COL9A1: variants seen among roughly 807,000 people sequenced by gnomAD.
The protein encoded by COL9A1 is collagen type IX alpha 1 chain.
In COL9A1, 104 loss-of-function variants were observed where a neutral mutation model predicts 142.6. The ratio of observed to expected loss-of-function variants is 0.73; its 90% CI spans 0.62 to 0.86. The LOEUF (loss-of-function observed/expected upper bound fraction) is 0.86, where lower values mean the gene tolerates loss of function less well. Ranked by LOEUF, COL9A1 falls within the 40% of genes least tolerant of loss-of-function variation. The probability of loss-of-function intolerance (pLI) is 0.00; values close to 1 mark genes in which losing one functional copy is unlikely to be tolerated. For missense variants in COL9A1, 1,210 were observed against 1,176.6 expected (o/e 1.03, Z -0.42); for synonymous variants, 466 against 396.0 (o/e 1.18, Z -2.10).
At chr6:70,249,331 T>C (rs1770789047) in intron 28 of COL9A1, among the ~76,000 whole-genome samples, 2 of 152,100 alleles carry the variant, frequency 1.3e-5, no homozygotes. Context: ...GAGACACTAC[T>C]GATGTTCGTG....
intron 4 of COL9A1, 77 bp from the exon 5 acceptor site, chr6:70,294,640 G>C (rs1412080334): frequency 1.4e-6 from 2 of 1,420,422 alleles, no homozygotes; most frequent in Non-Finnish European, 2.0e-6. Flanking sequence ...CCCTTTTGAG[G>C]CCATTTTAGA....
chr6:70,232,258 T>A (rs1769596667), intron 36 of COL9A1, among the ~76,000 whole-genome samples: 1 of 152,092 alleles, frequency 6.6e-6, no homozygotes, highest in Non-Finnish European at 1.5e-5. Context: ...AATAAATAAA[T>A]AAAAAATAGC....
chr6:70,281,533 C>A, intron 7 of COL9A1, 69 bp from the exon 8 acceptor site: 1 of 1,254,386 alleles, frequency 8.0e-7, no homozygotes, highest in South Asian at 1.4e-5. Flanking sequence ...GCGCGGTGCC[C>A]TGAAGCCCCC....
intron 36 of COL9A1, 24 bp from the exon 37 acceptor site, chr6:70,226,033 AT>A (rs1359315625): frequency 6.4e-7 from 1 of 1,567,584 alleles, no homozygotes; most frequent in Non-Finnish European, 8.8e-7. Flanking sequence ...AAGAAATGTT[AT>A]TTTTCTACAT....
chr6:70,279,666 A>AAAAAAAAAAAAAC (rs1562322878), intron 10 of COL9A1: 8 of 170,740 alleles, frequency 4.7e-5, no homozygotes, highest in African/African-American at 2.1e-4. Flanking sequence ...AAAAAAAAAA[A>AAAAAAAAAAAAAC]AAAACACATA....
chr6:70,280,525 T>A, intron 10 of COL9A1: 1 of 1,372,556 alleles, frequency 7.3e-7, no homozygotes, highest in African/African-American at 1.5e-5. Flanking sequence ...GTTCACAGCG[T>A]GCACTGTGAG....
At chr6:70,239,996 T>A (rs1202983602) in intron 32 of COL9A1, among the ~76,000 whole-genome samples, 2 of 152,188 alleles carry the variant, frequency 1.3e-5, no homozygotes, top group African/African-American at 4.8e-5. Context: ...TTTCTAGGAT[T>A]TTTTTCCTGC....
In COL9A1 at chr6:70,252,243, A is replaced by C; in HGVS notation, c.1818+19T>G. 1 of 1,614,086 alleles carries C rather than the reference A, an allele frequency of 6.2e-7. No individual in the cohort carries two copies. The highest frequency in any genetic ancestry group is 8.5e-7 in the Non-Finnish European group (1 of 1,179,902). ...TTACAACAGGTTAGAACTTCAGGAG[A>C]GGTAAAATGGTGTCTTACCGGTTTG... On this transcript the variant is annotated intron_variant, in intron 27 of 37. Coordinates refer to ENST00000357250, the MANE Select transcript of COL9A1 (RefSeq NM_001851.6).
intron 36 of COL9A1, among the ~76,000 whole-genome samples, chr6:70,228,783 C>T (rs1444247746): frequency 2.0e-5 from 3 of 152,050 alleles, no homozygotes; most frequent in Non-Finnish European, 4.4e-5. Flanking sequence ...ACGGATTGAA[C>T]TCAGGTTGAA....
chr6:70,282,789 A>G, intron 7 of COL9A1, 109 bp downstream of exon 7: 4 of 1,536,296 alleles, frequency 2.6e-6, no homozygotes, highest in Non-Finnish European at 3.6e-6. Flanking sequence ...CGCGGGTCTG[A>G]GAGCCCTGGG....
intron 21 of COL9A1, among the ~76,000 whole-genome samples, 153 bp from the exon 22 acceptor site, chr6:70,255,543 A>AT (rs1771227582): frequency 6.6e-6 from 1 of 152,250 alleles, no homozygotes; most frequent in Admixed American, 6.5e-5. Context: ...AAGTCTTTTT[A>AT]TAAAAACGGA....
Position 70,225,996 on chromosome 6 carries a change from T to G in COL9A1, c.2517A>C (p.Glu839Asp). The G allele has an allele frequency of 6.2e-7, 1 of 1,613,750 alleles. No individual in the cohort carries two copies. Among genetic ancestry groups the G allele is most frequent in the Middle Eastern group, 1.7e-4 (1 of 6,060 alleles). ...GLRGPKGDLG[E>D]KGERGPPGRG... ...TTCCTGGAGGGCCACGCTCCCCCTT[T>G]TCTCCCAAGTCACCTGCATTACATT... The change falls in exon 37 of 38, where the codon GAA becomes GAC. Residue 839 changes from glutamate (E) to aspartate (D), a missense_variant. Coordinates refer to ENST00000357250, the MANE Select transcript of COL9A1 (RefSeq NM_001851.6).
At chr6:70,280,951 C>A (rs1305154087) in intron 9 of COL9A1, 53 bp downstream of exon 9, 1 of 1,613,066 alleles carries the variant, frequency 6.2e-7, no homozygotes, top group Non-Finnish European at 8.5e-7. Flanking sequence ...CAGGGGGCTG[C>A]AAAACACGTC....
intron 28 of COL9A1, 24 bp from the exon 29 acceptor site, chr6:70,242,739 A>G: frequency 1.2e-6 from 2 of 1,612,074 alleles, no homozygotes; most frequent in Non-Finnish European, 8.5e-7. Flanking sequence ...AACATTGTCA[A>G]TTGGATATTT....
chr6:70,231,563 CAA>C (rs3842610), intron 36 of COL9A1, among the ~76,000 whole-genome samples: 1 of 149,162 alleles, frequency 6.7e-6, no homozygotes, highest in East Asian at 2.0e-4. Context: ...CTGAACACGC[CAA>C]AAAAAAATGT....
chr6:70,217,449 G>T (rs662828), intron 37 of COL9A1, among the ~76,000 whole-genome samples: 2 of 151,914 alleles, frequency 1.3e-5, no homozygotes, highest in East Asian at 3.9e-4. Flanking sequence ...TTAAAGACTT[G>T]ATATGAAAAA....
intron 10 of COL9A1, among the ~76,000 whole-genome samples, chr6:70,278,189 C>G (rs1772893255): frequency 6.6e-6 from 1 of 152,152 alleles, no homozygotes; most frequent in Non-Finnish European, 1.5e-5. Context: ...CCATATCATT[C>G]TTCTTGATCG....
chr6:70,289,234 G>T (rs1335987731), intron 5 of COL9A1, among the ~76,000 whole-genome samples: 2 of 152,006 alleles, frequency 1.3e-5, no homozygotes, highest in South Asian at 2.1e-4. Context: ...CATGAACAAA[G>T]ATTTCTTTAT....
chr6:70,269,820 C>G (rs1772275367), intron 15 of COL9A1, among the ~76,000 whole-genome samples, 155 bp from the exon 16 acceptor site: 1 of 152,146 alleles, frequency 6.6e-6, no homozygotes, highest in Admixed American at 6.5e-5. Context: ...AATCCTGACT[C>G]ATGGGCATGT....
Sources: gnomAD v4.1 joint callset for allele counts (sites outside exome capture counted in the v4.1 genomes callset) on GRCh38, gnomAD v4.1.1 for gene constraint, MANE v1.5 for transcripts, NCBI Gene and HGNC (gene_info 2026-07-23, HGNC 2026-07-21) for gene names.